CENPC: variants seen among roughly 807,000 people sequenced by gnomAD.
CENPC encodes CENP-C 1.
Under a neutral mutation model 112.1 loss-of-function variants are expected in CENPC, and 63 were observed. That is an observed-to-expected ratio of 0.56 (90% CI 0.46 to 0.69). The LOEUF is 0.69. Among genes scored for constraint, CENPC ranks in the 30% least tolerant of loss-of-function variants. The pLI, the probability that CENPC is intolerant of heterozygous loss-of-function variation, is 0.00. For missense variants in CENPC, 1,000 were observed against 1,103.8 expected, an observed-to-expected ratio of 0.91 and a Z score of 1.33; for synonymous variants, 333 against 367.6, an observed-to-expected ratio of 0.91 and a Z score of 1.08.
intron 12 of CENPC, among the ~76,000 whole-genome samples, chr4:67,496,817 G>A (rs1417443675): frequency 2.0e-5 from 3 of 152,026 alleles, no homozygotes; most frequent in Non-Finnish European, 4.4e-5. Context: ...TCATTGATTT[G>A]TACACTCTAA....
chr4:67,505,568 T>G, intron 11 of CENPC, among the ~76,000 whole-genome samples: 1 of 152,222 alleles, frequency 6.6e-6, no homozygotes, highest in East Asian at 1.9e-4. Context: ...ATACTTTAAA[T>G]CATATCTAGG....
chr4:67,518,211 T>C lies in CENPC; in HGVS notation c.775A>G (p.Lys259Glu). 6.4e-7 allele frequency: 1 copy of C among 1,558,430 alleles called. No individual in the cohort carries two copies. Among genetic ancestry groups the C allele is most frequent in the Non-Finnish European group, 8.7e-7 (1 of 1,151,766 alleles). Residue 259 changes from lysine (K) to glutamate (E), a missense_variant, in exon 7 of 19, where the codon AAA becomes GAA. Transcript: ENST00000273853. Reference protein sequence around the residue: ...DSEYEIQRQAKKSFSTLFLET... With the variant: ...DSEYEIQRQAEKSFSTLFLET... ...AAAAACAATGTTGAAAAACTTTTTT[T>C]AGCTTGTCGTTGAATTTCATATTCT...
chr4:67,469,031 C>T lies in CENPC; in HGVS notation c.*3574G>A, dbSNP rs1000311832. On this transcript the variant is annotated 3_prime_UTR_variant, in exon 19 of 19. Coordinates refer to ENST00000273853, the MANE Select transcript of CENPC (RefSeq NM_001812.4). Reference sequence around the variant, plus strand: ...ATTGCAGTAGTTACACAAATTCACACATATGATGAAATAGAACTATACACA... The same window carrying T: ...ATTGCAGTAGTTACACAAATTCACATATATGATGAAATAGAACTATACACA... The T allele has an allele frequency of 6.6e-6, 1 of 152,132 alleles. No individual in the cohort carries two copies. Among genetic ancestry groups the T allele is most frequent in the Admixed American group, 6.5e-5 (1 of 15,278 alleles). The allele number at this position is 152,132 out of a possible 1,614,324, so 9.4% of individuals were successfully genotyped here.
rs1252136527 is a variant in CENPC at position 67,540,963 on chromosome 4, T to C, written c.136+17A>G. The C allele has an allele frequency of 1.3e-6, 2 of 1,571,522 alleles. No homozygotes were observed. The highest frequency in any genetic ancestry group is 1.7e-5 in the Admixed American group (1 of 57,324). The stretch of plus-strand genomic sequence containing the variant: ...ATCCATCTAACCCTTAAATTCCATC[T>C]TGAAATGAAGCCTTACTTTTTTCTT... On this transcript the variant is annotated intron_variant, in intron 3 of 18. Transcript: ENST00000273853.
chr4:67,469,997 TA>T lies in CENPC; in HGVS notation c.*2607del, dbSNP rs369981124. The T allele has an allele frequency of 2.0e-5, 3 of 152,374 alleles. No homozygotes were observed. Among genetic ancestry groups the T allele is most frequent in the Non-Finnish European group, 4.4e-5 (3 of 68,038 alleles). The allele number at this position is 152,374 out of a possible 1,614,324, so 9.4% of individuals were successfully genotyped here. A position where few individuals can be genotyped will look rare whatever the true frequency, so the allele number is the denominator to read the frequency against. On this transcript the variant is annotated 3_prime_UTR_variant, in exon 19 of 19. Transcript: ENST00000273853. ...GGTAGCCACCAGTACCATGTGCTAC[TA>T]AGCACTTGAAATGTGGCAAATGCAA... is the stretch of plus-strand genomic sequence containing the variant.
In CENPC at chr4:67,544,208, T is replaced by G. The variant is rs771907078; in HGVS notation, c.19-13A>C. The G allele has an allele frequency of 6.6e-7, 1 of 1,507,940 alleles. No homozygotes were observed. The highest frequency in any genetic ancestry group is 9.2e-7 in the Non-Finnish European group (1 of 1,086,438). 93.4% of individuals were successfully genotyped at this position (1,507,940 alleles called of 1,614,324 possible). A position where few individuals can be genotyped will look rare whatever the true frequency, so the allele number is the denominator to read the frequency against. ...TTTTGAGATGATCCTGAAAGAAAAG[T>G]AAATCATCAATTTGGTTTCTTTAAG... On this transcript the variant is annotated splice_polypyrimidine_tract_variant and intron_variant, in intron 1 of 18. Transcript: ENST00000273853.
intron 17 of CENPC, among the ~76,000 whole-genome samples, chr4:67,481,628 A>G (rs1323731009): frequency 2.0e-5 from 3 of 152,228 alleles, no homozygotes; most frequent in Non-Finnish European, 1.5e-5. Flanking sequence ...TCTTCAACAA[A>G]GCAAACAAAA....
intron 4 of CENPC, among the ~76,000 whole-genome samples, chr4:67,535,389 CAG>C (rs758502269): frequency 6.6e-6 from 1 of 150,728 alleles, no homozygotes; most frequent in Non-Finnish European, 1.5e-5. Flanking sequence ...CTCTGTGATA[CAG>C]AGAGAGTACA....
rs981384380 is a variant in CENPC, at chr4:67,472,395, G to A, written c.*210C>T. On this transcript the variant is annotated 3_prime_UTR_variant, in exon 19 of 19. Transcript: ENST00000273853. ...TTATAAAAATAATATCATAAATATG[G>A]ACATCGCTACAAGCTATTATGTACA... 9 of 450,634 alleles carry A rather than the reference G, an allele frequency of 2.0e-5. No individual in the cohort carries two copies. The Admixed American group carries it at 3.0e-4, about 15-fold the overall frequency. 27.9% of individuals were successfully genotyped at this position (450,634 alleles called of 1,614,324 possible).
intron 5 of CENPC, among the ~76,000 whole-genome samples, chr4:67,529,286 C>T (rs956212409): frequency 6.6e-6 from 1 of 152,044 alleles, no homozygotes; most frequent in African/African-American, 2.4e-5. Context: ...AGTCTGGTTG[C>T]CCTTTCACAC....
intron 17 of CENPC, among the ~76,000 whole-genome samples, chr4:67,481,283 T>C (rs1393186441): frequency 6.6e-6 from 1 of 152,202 alleles, no homozygotes; most frequent in African/African-American, 2.4e-5. Flanking sequence ...ACACATCCCA[T>C]GCTCATGGAT....
intron 16 of CENPC, among the ~76,000 whole-genome samples, chr4:67,491,511 A>AGAGAGAGAGAGAGAGAGG (rs1553893243): frequency 9.6e-5 from 11 of 114,580 alleles, no homozygotes; most frequent in Admixed American, 2.0e-4. Flanking sequence ...AGAGAGAGAG[A>AGAGAGAGAGAGAGAGAGG]GAGAGAGAGA....
chr4:67,485,701 T>C (rs1725076480), intron 17 of CENPC, among the ~76,000 whole-genome samples: 1 of 152,214 alleles, frequency 6.6e-6, no homozygotes, highest in Admixed American at 6.5e-5. Flanking sequence ...GATCATAATA[T>C]ACCAGAATAA....
chr4:67,519,319 T>C lies in CENPC; in HGVS notation c.515A>G (p.Asn172Ser), dbSNP rs370674211. ...LLDAKTSVSQ[N>S]VIPSSAQKRE... ...CTTTTGGGCACTAGATGGAATAACATTTTGTGATACAGATGTTTTTGCATC... is the reference window on the plus strand; with the variant it reads ...CTTTTGGGCACTAGATGGAATAACACTTTGTGATACAGATGTTTTTGCATC... The change falls in exon 6 of 19, where the codon AAT becomes AGT. Residue 172 changes from asparagine (N) to serine (S), a missense_variant. Physicochemically the swap from Asn to Ser is conservative, Grantham distance 46. Coordinates refer to ENST00000273853, the MANE Select transcript of CENPC (RefSeq NM_001812.4). 6.2e-7 allele frequency: 1 copy of C among 1,612,688 alleles called. No individual in the cohort carries two copies. Among genetic ancestry groups the C allele is most frequent in the Non-Finnish European group, 8.5e-7 (1 of 1,179,376 alleles).
chr4:67,523,374 A>G (rs1337071519), intron 5 of CENPC, among the ~76,000 whole-genome samples: 2 of 152,202 alleles, frequency 1.3e-5, no homozygotes, highest in African/African-American at 4.8e-5. Flanking sequence ...CATAAGCACT[A>G]TTCTCTAGTT....
At chr4:67,498,859 G>T (rs565268766) in intron 12 of CENPC, among the ~76,000 whole-genome samples, 1 of 152,288 alleles carries the variant, frequency 6.6e-6, no homozygotes, top group East Asian at 1.9e-4. Context: ...ATCTAGAATG[G>T]TGAATCCTTT....
At position 67,523,532 on chromosome 4, in the gene CENPC, G is replaced by A. The variant is rs149277042; in HGVS notation, c.332-4030C>T. Among the ~76,000 whole-genome samples the A allele has an allele frequency of 1.4e-3, 212 of 152,284 alleles. 3 individuals carry two copies. Among genetic ancestry groups the A allele is most frequent in the African/African-American group, 4.7e-3 (194 of 41,558 alleles). ...ATGGGAGTTTACAGATAAGCAAGAG[G>A]AGGAGGCTAGAATAATCCACGTGGT... On this transcript the variant is annotated intron_variant, in intron 5 of 18. Transcript: ENST00000273853.
chr4:67,472,740 T>C (rs887397101), intron 18 of CENPC, 65 bp from the exon 19 acceptor site: 68 of 1,375,646 alleles, frequency 4.9e-5, no homozygotes, highest in Non-Finnish European at 6.2e-5. Flanking sequence ...TGATTAAGTA[T>C]GTAGTCATCA....
intron 12 of CENPC, among the ~76,000 whole-genome samples, chr4:67,495,769 T>A (rs1480247238): frequency 1.3e-5 from 2 of 152,232 alleles, no homozygotes; most frequent in Admixed American, 6.5e-5. Flanking sequence ...TTATGAACTA[T>A]CTGTAACTTT....
Sources: allele counts gnomAD v4.1 joint callset (sites outside exome capture counted in the v4.1 genomes callset), GRCh38; gene constraint gnomAD v4.1.1; transcripts MANE v1.5; gene names NCBI Gene and HGNC (gene_info 2026-07-23, HGNC 2026-07-21).